Variants in NUP42 observed in about 807,000 individuals in gnomAD.
The protein encoded by NUP42 is nucleoporin NUP42.
In NUP42, 47 loss-of-function variants were observed where a neutral mutation model predicts 35.9. The ratio of observed to expected loss-of-function variants is 1.31; its 90% CI spans 1.04 to 1.67. The LOEUF (loss-of-function observed/expected upper bound fraction) is 1.67, where lower values mean the gene tolerates loss of function less well. Ranked by LOEUF, NUP42 falls within the 40% of genes most tolerant of loss-of-function variation. The pLI is 0.00. For synonymous variants in NUP42, 173 were observed against 173.3 expected, an observed-to-expected ratio of 1.00 and a Z score of 0.01; for missense variants, 514 against 492.2, an observed-to-expected ratio of 1.04 and a Z score of -0.42.
At position 23,200,739 on chromosome 7, in the gene NUP42, T is replaced by G. The variant is rs1361555600; in HGVS notation, c.1266T>G (p.Asn422Lys). 3 of 1,562,832 alleles carry G rather than the reference T, an allele frequency of 1.9e-6. No homozygotes were observed. Among genetic ancestry groups the G allele is most frequent in the Non-Finnish European group, 2.6e-6 (3 of 1,160,806 alleles). The part of the protein sequence containing the change: ...PLKPPPLELL[N>K]V ...AGCCTCCACCTCTGGAACTTCTAAA[T>G]GTTTAAAAGGGCAATTTTAAATACA... Residue 422 changes from asparagine (N) to lysine (K), a missense_variant, in exon 7 of 7, where the codon AAT (asparagine) becomes AAG (lysine). Asn to Lys is a moderately conservative substitution (Grantham distance 94, BLOSUM62 0). Coordinates refer to ENST00000258742, the MANE Select transcript of NUP42 (RefSeq NM_007342.3).
chr7:23,194,658 G>T, intron 3 of NUP42: 1 of 163,616 alleles, frequency 6.1e-6, no homozygotes, highest in South Asian at 1.2e-4. Flanking sequence ...ACCGCGCCCG[G>T]CTGTAATCCA....
chr7:23,185,223 A>G lies in NUP42; in HGVS notation c.275A>G (p.Lys92Arg). The change falls in exon 2 of 7, where the codon AAG becomes AGG. Residue 92 changes from lysine (K) to arginine (R), a missense_variant. Coordinates refer to ENST00000258742, the MANE Select transcript of NUP42 (RefSeq NM_007342.3). ...SFDSGASTNR[K>R]EGFGLSENPF... ...GATTCTGGAGCTTCAACTAACAGGA[A>G]GGAAGGCTTTGGATTGTCTGAGAAC... 1 of 1,614,184 alleles carries G rather than the reference A, an allele frequency of 6.2e-7. No homozygotes were observed. The highest frequency in any genetic ancestry group is 8.5e-7 in the Non-Finnish European group (1 of 1,180,036).
intron 2 of NUP42, 75 bp downstream of exon 2, chr7:23,185,373 T>C: frequency 1.0e-6 from 1 of 1,000,216 alleles, no homozygotes; most frequent in South Asian, 1.5e-5. Flanking sequence ...TTGTTTCTCT[T>C]TTTTTGTAAC....
intron 5 of NUP42, chr7:23,198,519 T>C (rs1786096685): frequency 6.6e-6 from 1 of 152,160 alleles, no homozygotes; most frequent in Admixed American, 6.5e-5. Flanking sequence ...AAGAATGCTT[T>C]TGAGGCTTCC....
intron 5 of NUP42, among the ~76,000 whole-genome samples, chr7:23,198,667 C>T (rs984416685): frequency 7.9e-5 from 12 of 152,178 alleles, no homozygotes; most frequent in African/African-American, 2.9e-4. Flanking sequence ...GAGCACAGAA[C>T]AGCAAGAACA....
rs1785654589 is a variant in NUP42 at position 23,187,973 on chromosome 7, T to C, written c.445+827T>C. On this transcript the variant is annotated intron_variant, in intron 3 of 6. Transcript: ENST00000258742. The stretch of plus-strand genomic sequence containing the variant: ...CTCTCTGGCCTGGAATAGCATTTGC[T>C]TTAGAATATTCTCTCTCTCTTTTTT... The C allele has an allele frequency of 5.3e-6, 4 of 761,670 alleles. No individual in the cohort carries two copies. In the South Asian group the frequency reaches 6.2e-5, roughly 12 times the overall value. 47.2% of individuals were successfully genotyped at this position (761,670 alleles called of 1,614,324 possible).
At chr7:23,193,265 G>C (rs148284503) in intron 3 of NUP42, among the ~76,000 whole-genome samples, 14 of 152,198 alleles carry the variant, frequency 9.2e-5, no homozygotes, top group Non-Finnish European at 1.6e-4. Context: ...GGAGCTGAGC[G>C]GGTTGCCACT....
Position 23,196,672 on chromosome 7 carries a change from G to A in NUP42, c.523-8G>A, listed in dbSNP as rs759303991. On this transcript the variant is annotated splice_polypyrimidine_tract_variant and splice_region_variant and intron_variant, in intron 4 of 6. Transcript: ENST00000258742. ...TTGAACTGTTATTTTTCTGTCTTCC[G>A]TTTTCAGCTAAATTCTGTCCAACGT... 7.2e-5 allele frequency: 115 copies of A among 1,597,170 alleles called. No individual in the cohort carries two copies. Among genetic ancestry groups the A allele is most frequent in the Middle Eastern group, 6.7e-4 (4 of 6,004 alleles).
intron 5 of NUP42, 109 bp downstream of exon 5, chr7:23,196,875 T>G (rs1786030659): frequency 2.8e-6 from 2 of 723,064 alleles, no homozygotes; most frequent in Non-Finnish European, 4.7e-6. Flanking sequence ...TATCAAGAAT[T>G]ATGATACACA....
intron 3 of NUP42, chr7:23,194,576 G>C (rs1039839209): frequency 6.5e-6 from 1 of 153,168 alleles, no homozygotes; most frequent in Non-Finnish European, 1.5e-5. Context: ...GGCCCGGCTG[G>C]TCTTGAACTT....
intron 1 of NUP42, among the ~76,000 whole-genome samples, chr7:23,183,601 C>T (rs1443565613): frequency 6.6e-6 from 1 of 151,972 alleles, no homozygotes; most frequent in Non-Finnish European, 1.5e-5. Context: ...TTTATTTCCT[C>T]CACAATTAAT....
In NUP42 at chr7:23,182,060, C is replaced by G; in HGVS notation, c.-26C>G. 3 of 1,612,342 alleles carry G rather than the reference C, an allele frequency of 1.9e-6. No individual in the cohort carries two copies. Among genetic ancestry groups the G allele is most frequent in the Non-Finnish European group, 2.5e-6 (3 of 1,179,832 alleles). On this transcript the variant is annotated 5_prime_UTR_variant, in exon 1 of 7. Coordinates refer to ENST00000258742, the MANE Select transcript of NUP42 (RefSeq NM_007342.3). ...GGCATCGAACGGTGCAGACTGAAGA[C>G]GCCCTCCGTCAGCGACGCCGTCGCA... is the stretch of plus-strand genomic sequence containing the variant.
At chr7:23,195,810 T>G (rs773127951) in intron 3 of NUP42, 29 bp from the exon 4 acceptor site, 2 of 1,461,778 alleles carry the variant, frequency 1.4e-6, no homozygotes, top group African/African-American at 2.8e-5. Context: ...GCATTTATTT[T>G]AAAGATTCCG....
At chr7:23,182,345 A>G (rs1055786454) in intron 1 of NUP42, 139 bp downstream of exon 1, 1 of 1,448,428 alleles carries the variant, frequency 6.9e-7, no homozygotes, top group African/African-American at 1.4e-5. Context: ...TGGGCCCTGC[A>G]CAACGTTTTT....
chr7:23,182,105 T>C lies in NUP42; in HGVS notation c.20T>C (p.Phe7Ser). The C allele has an allele frequency of 6.2e-7, 1 of 1,614,110 alleles. No homozygotes were observed. The highest frequency in any genetic ancestry group is 2.2e-5 in the East Asian group (1 of 44,886). ...GTCGCAATGGCCATTTGTCAATTCT[T>C]CCTTCAAGGCCGGTGCCGCTTTGGA... MAICQFFLQGRCRFGDR... is the reference protein window; with the variant it reads MAICQFSLQGRCRFGDR... The change falls in exon 1 of 7, where the codon TTC becomes TCC. Residue 7 changes from phenylalanine to serine, a missense_variant. Phe to Ser is a radical substitution (Grantham distance 155). Transcript: ENST00000258742.
chr7:23,196,537 A>G (rs920396873), intron 4 of NUP42, 143 bp from the exon 5 acceptor site: 2 of 605,524 alleles, frequency 3.3e-6, no homozygotes, highest in Non-Finnish European at 5.9e-6. Flanking sequence ...GGCCAAGTCA[A>G]TGCAAATTTT....
At chr7:23,185,379 G>C in intron 2 of NUP42, 81 bp downstream of exon 2, 2 of 929,182 alleles carry the variant, frequency 2.2e-6, no homozygotes, top group South Asian at 3.2e-5. Flanking sequence ...CTCTTTTTTT[G>C]TAACATCTTT....
chr7:23,192,921 GAGTGTTAC>G (rs1163824609), intron 3 of NUP42, among the ~76,000 whole-genome samples: 3 of 152,344 alleles, frequency 2.0e-5, no homozygotes, highest in Non-Finnish European at 4.4e-5. Flanking sequence ...CCCTCGCGGT[GAGTGTTAC>G]AGTTCTTAAA....
chr7:23,191,497 G>A (rs1055204540), intron 3 of NUP42, among the ~76,000 whole-genome samples: 4 of 151,984 alleles, frequency 2.6e-5, no homozygotes, highest in Non-Finnish European at 5.9e-5. Flanking sequence ...TGATTCCTAG[G>A]GTTTTTTGGC....
Sources: allele counts gnomAD v4.1 joint callset (sites outside exome capture counted in the v4.1 genomes callset), GRCh38; gene constraint gnomAD v4.1.1; transcripts MANE v1.5; gene names NCBI Gene and HGNC (gene_info 2026-07-23, HGNC 2026-07-21).